The following BTG4 variants were observed in gnomAD, a reference collection of about 807,000 sequenced individuals.
The protein encoded by BTG4 is BTG anti-proliferation factor 4.
A neutral mutation model predicts 19.3 loss-of-function variants in BTG4; 10 were observed. The ratio of observed to expected loss-of-function variants is 0.52; its 90% CI spans 0.32 to 0.88. BTG4 has a LOEUF of 0.88. BTG4 is among the 40% of genes least tolerant of loss of function. BTG4 has a pLI of 0.04. For synonymous variants in BTG4, 91 were observed against 95.7 expected, an observed-to-expected ratio of 0.95 and a Z score of 0.29; for missense variants, 238 against 281.9, an observed-to-expected ratio of 0.84 and a Z score of 1.11.
chr11:111,465,483 T>C (rs567364893), downstream of BTG4, among the ~76,000 whole-genome samples: 4 of 152,316 alleles, frequency 2.6e-5, no homozygotes, highest in South Asian at 8.3e-4. Context: ...TATTAACTCA[T>C]TTACTTTTTA....
chr11:111,480,683 C>T (rs1864688809), intron 5 of BTG4, among the ~76,000 whole-genome samples: 1 of 151,562 alleles, frequency 6.6e-6, no homozygotes, highest in South Asian at 2.1e-4. Flanking sequence ...AGAAACTAAA[C>T]AAAATACTTC....
At chr11:111,495,656 C>T (rs905565340) in intron 4 of BTG4, among the ~76,000 whole-genome samples, 4 of 152,184 alleles carry the variant, frequency 2.6e-5, no homozygotes, top group East Asian at 1.9e-4. Flanking sequence ...GCCTAGAAAT[C>T]TTCATTTTAA....
chr11:111,410,861 G>A, the BTG4 span, among the ~76,000 whole-genome samples: 14 of 152,078 alleles, frequency 9.2e-5, no homozygotes, highest in African/African-American at 2.4e-4. Context: ...TAAGTTTCTC[G>A]GACAAAAAAC....
the BTG4 span, among the ~76,000 whole-genome samples, chr11:111,398,654 A>T: frequency 6.6e-6 from 1 of 151,882 alleles, no homozygotes; most frequent in East Asian, 1.9e-4. Context: ...CGGGGTGAAA[A>T]TTTGCATTTC....
chr11:111,499,678 C>T (rs1053968103), intron 1 of BTG4, among the ~76,000 whole-genome samples: 93 of 152,278 alleles, frequency 6.1e-4, no homozygotes, highest in Admixed American at 4.2e-3. Context: ...AGATTTCTTA[C>T]AAAATTTGTT....
the BTG4 span, among the ~76,000 whole-genome samples, chr11:111,420,954 T>C: frequency 6.6e-6 from 1 of 152,140 alleles, no homozygotes; most frequent in Non-Finnish European, 1.5e-5. Flanking sequence ...GAAGGCTCCT[T>C]TGGGAAAGGG....
At chr11:111,415,437 T>C in the BTG4 span, among the ~76,000 whole-genome samples, 1 of 152,192 alleles carries the variant, frequency 6.6e-6, no homozygotes, top group Non-Finnish European at 1.5e-5. Flanking sequence ...GGCAAAAGAA[T>C]TGGAGATTTC....
chr11:111,407,495 A>G, the BTG4 span, among the ~76,000 whole-genome samples: 3 of 152,110 alleles, frequency 2.0e-5, no homozygotes, highest in Admixed American at 2.0e-4. Context: ...ACATGGTGAA[A>G]CCCCGTCTCT....
At chr11:111,410,005 G>A in the BTG4 span, among the ~76,000 whole-genome samples, 74 of 152,294 alleles carry the variant, frequency 4.9e-4, no homozygotes, top group African/African-American at 1.8e-3. Flanking sequence ...GGAAATGATG[G>A]AAGTTGAAGA....
chr11:111,421,544 G>T, the BTG4 span, among the ~76,000 whole-genome samples: 1,718 of 152,256 alleles, frequency 0.011, 23 homozygotes, highest in African/African-American at 0.038. Flanking sequence ...CACCTTAGAG[G>T]CATAGACCTG....
chr11:111,494,989 T>C lies in BTG4; in HGVS notation c.*146A>G. The C allele has an allele frequency of 3.0e-6, 3 of 985,368 alleles. No individual in the cohort carries two copies. Among genetic ancestry groups the C allele is most frequent in the Non-Finnish European group, 3.6e-6 (3 of 829,896 alleles). 61.0% of individuals were successfully genotyped at this position (985,368 alleles called of 1,614,324 possible). On this transcript the variant is annotated 3_prime_UTR_variant, in exon 5 of 5. Transcript: ENST00000692032. Reference sequence around the variant, plus strand: ...TACAGCTAAGAACAGTGATGATCTGTATGAGAGGATTTACCATTGTGTACC... The same window carrying C: ...TACAGCTAAGAACAGTGATGATCTGCATGAGAGGATTTACCATTGTGTACC...
the BTG4 span, among the ~76,000 whole-genome samples, chr11:111,389,093 G>A: frequency 1.3e-5 from 2 of 152,194 alleles, no homozygotes; most frequent in African/African-American, 4.8e-5. Context: ...AAAGGAAAAG[G>A]ATCCAACATG....
At chr11:111,463,226 G>A (rs1463820190), downstream of BTG4, 3 of 152,630 alleles carry the variant, frequency 2.0e-5, no homozygotes, top group African/African-American at 7.2e-5. Flanking sequence ...ATCTTTGATA[G>A]GGGGCCTCAG....
downstream of BTG4, among the ~76,000 whole-genome samples, chr11:111,493,812 G>A (rs1591507382): frequency 6.6e-6 from 1 of 152,038 alleles, no homozygotes; most frequent in East Asian, 1.9e-4. Flanking sequence ...ATGAACCATC[G>A]TTTCTAGAAA....
chr11:111,492,674 T>C (rs917116679), downstream of BTG4, among the ~76,000 whole-genome samples: 5 of 152,186 alleles, frequency 3.3e-5, no homozygotes, highest in African/African-American at 1.2e-4. Flanking sequence ...CTGATAACTA[T>C]GAAACAATTA....
At chr11:111,425,064 C>A in the BTG4 span, among the ~76,000 whole-genome samples, 1 of 152,138 alleles carries the variant, frequency 6.6e-6, no homozygotes, top group African/African-American at 2.4e-5. Flanking sequence ...TCTGTACAAT[C>A]ATAGAGGGCT....
At chr11:111,458,844 T>C in the BTG4 span, among the ~76,000 whole-genome samples, 2 of 152,206 alleles carry the variant, frequency 1.3e-5, no homozygotes, top group African/African-American at 4.8e-5. Flanking sequence ...TGACTTGAGT[T>C]TGAAGACCTG....
At chr11:111,453,323 G>T in the BTG4 span, 1 of 364,442 alleles carries the variant, frequency 2.7e-6, no homozygotes, top group Non-Finnish European at 5.6e-6. Flanking sequence ...GGTGAAGTGC[G>T]ACCTGTTTCC....
intron 4 of BTG4, chr11:111,496,996 A>T (rs1042195352): frequency 2.3e-6 from 1 of 429,716 alleles, no homozygotes; most frequent in African/African-American, 2.0e-5. Context: ...ACAATAAAAG[A>T]TTATGTGGAT....
Sources: allele counts gnomAD v4.1 joint callset (sites outside exome capture counted in the v4.1 genomes callset), GRCh38; gene constraint gnomAD v4.1.1; transcripts MANE v1.5; gene names NCBI Gene and HGNC (gene_info 2026-07-23, HGNC 2026-07-21).